The following C12orf42 variants were observed in gnomAD, a reference collection of about 807,000 sequenced individuals.
C12orf42 encodes the protein uncharacterized protein C12orf42.
A neutral mutation model predicts 21.6 loss-of-function variants in C12orf42; 25 were observed. The observed-to-expected ratio is 1.16, with a 90% CI of 0.84 to 1.62. The LOEUF (loss-of-function observed/expected upper bound fraction) is 1.62. Among genes scored for constraint, C12orf42 ranks in the 40% most tolerant of loss-of-function variants. C12orf42 has a pLI of 0.00. For synonymous variants in C12orf42, 174 were observed against 175.0 expected (o/e 0.99, Z 0.05); for missense variants, 483 against 459.3 (o/e 1.05, Z -0.47).
chr12:103,233,301 T>C (rs565240663), downstream of C12orf42, among the ~76,000 whole-genome samples: 1 of 152,282 alleles, frequency 6.6e-6, no homozygotes, highest in South Asian at 2.1e-4. Flanking sequence ...ATGCGGGCTA[T>C]TTTGCGTTTT....
chr12:103,054,766 C>G, the C12orf42 span, among the ~76,000 whole-genome samples: 1 of 151,858 alleles, frequency 6.6e-6, no homozygotes, highest in African/African-American at 2.4e-5. Flanking sequence ...TCCTATCTTT[C>G]TGAGAGTTTT....
At chr12:103,329,342 G>A (rs1438734347) in intron 4 of C12orf42, among the ~76,000 whole-genome samples, 1 of 152,086 alleles carries the variant, frequency 6.6e-6, no homozygotes, top group Non-Finnish European at 1.5e-5. Context: ...AGAACACATG[G>A]ACACAGGGAG....
chr12:103,385,792 T>A (rs933827781), intron 3 of C12orf42, among the ~76,000 whole-genome samples: 18 of 152,204 alleles, frequency 1.2e-4, no homozygotes, highest in Admixed American at 4.6e-4. Context: ...AATGGTAACT[T>A]GAGACAAAGG....
chr12:103,214,850 A>G, the C12orf42 span, among the ~76,000 whole-genome samples: 1 of 152,116 alleles, frequency 6.6e-6, no homozygotes, highest in Non-Finnish European at 1.5e-5. Flanking sequence ...CCGTGCCACC[A>G]TCACCATCCC....
chr12:103,101,073 C>T, the C12orf42 span, among the ~76,000 whole-genome samples: 47 of 152,302 alleles, frequency 3.1e-4, no homozygotes, highest in African/African-American at 1.1e-3. Context: ...ACTCGGGAGC[C>T]TCCATTTCTT....
intron 5 of C12orf42, among the ~76,000 whole-genome samples, chr12:103,304,210 A>T (rs1283470582): frequency 1.3e-5 from 2 of 152,218 alleles, no homozygotes; most frequent in African/African-American, 2.4e-5. Context: ...TATATTACCT[A>T]CTTCACAGGG....
intron 4 of C12orf42, among the ~76,000 whole-genome samples, chr12:103,321,951 C>T (rs2136884380): frequency 6.6e-6 from 1 of 151,846 alleles, no homozygotes; most frequent in Admixed American, 6.6e-5. Flanking sequence ...ACCAGCGTGG[C>T]ACATGTATAC....
In C12orf42 at chr12:103,433,421, T is replaced by C. The variant is rs1592783446; in HGVS notation, c.79-31746A>G. ...GAACTCATTGTTCAACCTCAGGACA[T>C]ATAAAAGGGGAAGAGGTAGATATTA... On this transcript the variant is annotated intron_variant, in intron 2 of 5. Transcript: ENST00000548883. Among the ~76,000 whole-genome samples the C allele has an allele frequency of 3.3e-5, 5 of 152,166 alleles. No individual in the cohort carries two copies. In the South Asian group the frequency reaches 1.0e-3, roughly 31 times the overall value.
At chr12:103,489,409 G>A (rs1955045869) in intron 1 of C12orf42, among the ~76,000 whole-genome samples, 1 of 152,232 alleles carries the variant, frequency 6.6e-6, no homozygotes, top group African/African-American at 2.4e-5. Flanking sequence ...ACAGGGGTCA[G>A]GGACTCACTT....
At chr12:103,281,036 C>T (rs1311734008) in intron 4 of C12orf42, among the ~76,000 whole-genome samples, 1 of 152,226 alleles carries the variant, frequency 6.6e-6, no homozygotes, top group Non-Finnish European at 1.5e-5. Flanking sequence ...TCTAAACTGA[C>T]AGTTGAAGTT....
At chr12:103,077,622 T>C in the C12orf42 span, among the ~76,000 whole-genome samples, 975 of 152,294 alleles carry the variant, frequency 6.4e-3, 16 homozygotes, top group African/African-American at 0.022. Context: ...ATTCTCAGCT[T>C]GAGCCTCTTG....
chr12:103,466,889 A>G (rs1166956464), intron 2 of C12orf42, among the ~76,000 whole-genome samples: 2 of 152,204 alleles, frequency 1.3e-5, no homozygotes, highest in Non-Finnish European at 2.9e-5. Flanking sequence ...TGCTCTGGCT[A>G]GCCTGCTAGA....
At chr12:103,466,211 T>C (rs1028417554) in intron 2 of C12orf42, among the ~76,000 whole-genome samples, 8 of 152,234 alleles carry the variant, frequency 5.3e-5, no homozygotes, top group Non-Finnish European at 1.0e-4. Flanking sequence ...AATTCAGCTT[T>C]AACTCCATCT....
chr12:103,200,632 GA>G, the C12orf42 span, among the ~76,000 whole-genome samples: 7 of 151,926 alleles, frequency 4.6e-5, no homozygotes, highest in Non-Finnish European at 8.8e-5. Context: ...TGTTGAATTT[GA>G]AAAAAAGAAT....
chr12:103,316,687 T>C (rs912023578), intron 4 of C12orf42, among the ~76,000 whole-genome samples: 3 of 152,140 alleles, frequency 2.0e-5, no homozygotes, highest in Non-Finnish European at 4.4e-5. Flanking sequence ...ATATACCATA[T>C]GTGTAACTGT....
chr12:103,164,894 C>A, the C12orf42 span: 2 of 277,854 alleles, frequency 7.2e-6, no homozygotes, highest in Middle Eastern at 4.3e-4. Context: ...ATAAAATATG[C>A]TCAGAGTTGA....
chr12:103,447,437 G>A (rs1422057280), intron 2 of C12orf42, among the ~76,000 whole-genome samples: 2 of 151,844 alleles, frequency 1.3e-5, no homozygotes, highest in Non-Finnish European at 2.9e-5. Flanking sequence ...AGAAGTCCTA[G>A]CCAGAGAAAT....
chr12:103,503,362 C>T, the C12orf42 span: 1 of 152,414 alleles, frequency 6.6e-6, no homozygotes, highest in East Asian at 1.9e-4. Flanking sequence ...CTCGTTCCGC[C>T]CCCTCGCCCA....
At chr12:103,198,665 A>G in the C12orf42 span, among the ~76,000 whole-genome samples, 2 of 152,314 alleles carry the variant, frequency 1.3e-5, no homozygotes, top group Middle Eastern at 6.8e-3. Context: ...CCCTGCAGCT[A>G]GGATTCCTGA....
Sources: allele counts gnomAD v4.1 joint callset (sites outside exome capture counted in the v4.1 genomes callset), GRCh38; gene constraint gnomAD v4.1.1; transcripts MANE v1.5; gene names NCBI Gene and HGNC (gene_info 2026-07-23, HGNC 2026-07-21).